The following WWC1 variants were observed in gnomAD, a reference collection of about 807,000 sequenced individuals.
WWC1 encodes WW and C2 domain containing 1.
WWC1 carries 55 observed loss-of-function variants against 138.4 expected under a neutral mutation model. That is an observed-to-expected ratio of 0.40 (90% confidence interval 0.32 to 0.50). WWC1 has a LOEUF of 0.50. WWC1 is among the 20% of genes least tolerant of loss of function. The probability of loss-of-function intolerance (pLI) is 0.72; values close to 1 mark genes in which losing one functional copy is unlikely to be tolerated. For synonymous variants in WWC1, 524 were observed against 564.9 expected (o/e 0.93, Z 1.03); for missense variants, 1,226 against 1,420.4 (o/e 0.86, Z 2.20).
At chr5:168,315,442 G>A (rs1007390951) in intron 1 of WWC1, among the ~76,000 whole-genome samples, 1 of 151,876 alleles carries the variant, frequency 6.6e-6, no homozygotes, top group African/African-American at 2.4e-5. Context: ...CCGTGTGCCC[G>A]CTGCGCTCTG....
Position 168,292,235 on chromosome 5 carries a change from C to A in WWC1, c.83C>A (p.Thr28Lys), listed in dbSNP as rs374092809. Residue 28 changes from threonine to lysine, a missense_variant, in exon 1 of 23, where the codon ACG becomes AAG. Transcript: ENST00000265293. The surrounding 1 kb of genome is among the most constrained non-coding windows in gnomAD (Gnocchi z 4.4). ...GGCAAGGTCTACTACATAGACCACA[C>A]GAACCGCACCACCAGCTGGATCGAC... ...FDGKVYYIDH[T>K]NRTTSWIDPR... The A allele has an allele frequency of 5.6e-6, 9 of 1,594,716 alleles. 1 individual carries two copies. In the South Asian group the frequency reaches 8.0e-5, roughly 14 times the overall value.
chr5:168,335,891 C>T (rs778215267), intron 1 of WWC1, among the ~76,000 whole-genome samples: 2 of 152,230 alleles, frequency 1.3e-5, no homozygotes, highest in Non-Finnish European at 2.9e-5. Context: ...ACACAGCTCC[C>T]TCTACCCAGA....
chr5:168,409,573 C>G (rs978759503), intron 7 of WWC1, among the ~76,000 whole-genome samples: 1 of 152,174 alleles, frequency 6.6e-6, no homozygotes, highest in Non-Finnish European at 1.5e-5. Flanking sequence ...GAATGAGTTT[C>G]TTGATATTGG....
chr5:168,306,473 C>G (rs1011606271), intron 1 of WWC1, among the ~76,000 whole-genome samples: 16 of 152,198 alleles, frequency 1.1e-4, no homozygotes, highest in Non-Finnish European at 4.4e-5. Flanking sequence ...TGCCTATCTT[C>G]TTATTTTTTT....
intron 1 of WWC1, among the ~76,000 whole-genome samples, chr5:168,341,437 A>T (rs1862355): frequency 0.54 from 82,205 of 151,912 alleles, 23,423 homozygotes; most frequent in South Asian, 0.66. Context: ...TCCATGGATA[A>T]TGGGTCCTAG....
At position 168,455,405 on chromosome 5, in the gene WWC1, T is replaced by G. The variant is rs775713345; in HGVS notation, c.2708T>G (p.Val903Gly). The G allele has an allele frequency of 6.2e-7, 1 of 1,609,608 alleles. No individual in the cohort carries two copies. Residue 903 changes from valine (V) to glycine (G), a missense_variant, in exon 19 of 23, where the codon GTG becomes GGG. Physicochemically the swap from Val to Gly is moderately radical, Grantham distance 109. Transcript: ENST00000265293. ...ACCCCGGCCCCATCCCCCACAGTGGTGCGACCTAAGGACCGGAGAGTGGGC... is the reference window on the plus strand; with the variant it reads ...ACCCCGGCCCCATCCCCCACAGTGGGGCGACCTAAGGACCGGAGAGTGGGC... ...TETPAPSPTVVRPKDRRVGTP... is the reference protein window; with the variant it reads ...TETPAPSPTVGRPKDRRVGTP...
chr5:168,311,393 G>A (rs950285611), intron 1 of WWC1, among the ~76,000 whole-genome samples: 2 of 152,138 alleles, frequency 1.3e-5, no homozygotes, highest in Non-Finnish European at 2.9e-5. Context: ...ACAGGGAGGT[G>A]TGAGGAACCG....
At chr5:168,303,786 G>A (rs1447994932) in intron 1 of WWC1, among the ~76,000 whole-genome samples, 3 of 152,094 alleles carry the variant, frequency 2.0e-5, no homozygotes, top group African/African-American at 7.2e-5. Flanking sequence ...GCGCTGAGCT[G>A]CTCGGGAGAG....
In WWC1 at chr5:168,357,412, C is replaced by T. The variant is rs1341292217; in HGVS notation, c.120-14012C>T. ...GTCTGCCAACCTGTGGGTTTCTTTT[C>T]CGTGTGGTTCACCATCTGGAGTGGC... On this transcript the variant is annotated intron_variant, in intron 1 of 22. Transcript: ENST00000265293. Among the ~76,000 whole-genome samples the T allele has an allele frequency of 2.0e-5, 3 of 148,730 alleles. No homozygotes were observed. In the East Asian group the frequency reaches 6.1e-4, roughly 30 times the overall value.
Position 168,385,378 on chromosome 5 carries a change from GCCGT to G in WWC1, c.399_402del (p.Val134GlyfsTer26). ...ACAGCAGGAGTACCAGCAACTGCAT[GCCGT>G]CTGGGAGCATAAGCTGGGCTCCCAG... is the stretch of plus-strand genomic sequence containing the variant. On this transcript the variant is annotated frameshift_variant, in exon 3 of 23. Transcript: ENST00000265293. LOFTEE classifies it high-confidence loss of function. 1 of 1,613,996 alleles carries G rather than the reference GCCGT, an allele frequency of 6.2e-7. No homozygotes were observed. Among genetic ancestry groups the G allele is most frequent in the Non-Finnish European group, 8.5e-7 (1 of 1,179,990 alleles).
chr5:168,395,263 G>C lies in WWC1; in HGVS notation c.434-2461G>C, dbSNP rs374926742. ...GTCCAGAGGCACAGCCTGATGAACA[G>C]GGTGGTTGGCAGGACAGGGTGCTCC... is the stretch of plus-strand genomic sequence containing the variant. On this transcript the variant is annotated intron_variant, in intron 3 of 22. Coordinates refer to ENST00000265293, the MANE Select transcript of WWC1 (RefSeq NM_015238.3). 4.8e-3 allele frequency among the ~76,000 whole-genome samples: 734 copies of C among 152,298 alleles called. 5 individuals carry two copies. The highest frequency in any genetic ancestry group is 0.017 in the African/African-American group (711 of 41,570).
At chr5:168,320,001 A>G (rs1178287673) in intron 1 of WWC1, among the ~76,000 whole-genome samples, 5 of 148,250 alleles carry the variant, frequency 3.4e-5, no homozygotes, top group African/African-American at 1.3e-4. Flanking sequence ...GCATTTCCCT[A>G]GTGATGAGTG....
At position 168,292,377 on chromosome 5, in the gene WWC1, G is replaced by A; in HGVS notation, c.119+106G>A. On this transcript the variant is annotated intron_variant, in intron 1 of 22. Transcript: ENST00000265293. The surrounding 1 kb of genome is among the most constrained non-coding windows in gnomAD (Gnocchi z 4.4). ...GGGAGGGGGCAGGGGAGCTCTGCGT[G>A]CCTCTTGAGCTCTCTTCAGTTCGCC... 3 of 1,335,140 alleles carry A rather than the reference G, an allele frequency of 2.2e-6. No homozygotes were observed. The highest frequency in any genetic ancestry group is 3.1e-6 in the Non-Finnish European group (3 of 980,458). 82.7% of individuals were successfully genotyped at this position (1,335,140 alleles called of 1,614,324 possible).
intron 3 of WWC1, among the ~76,000 whole-genome samples, chr5:168,394,385 A>G (rs1778729761): frequency 6.6e-6 from 1 of 152,224 alleles, no homozygotes; most frequent in Non-Finnish European, 1.5e-5. Flanking sequence ...ATTAAGAACT[A>G]TTAAACTTTG....
chr5:168,304,284 G>A (rs1394404055), intron 1 of WWC1, among the ~76,000 whole-genome samples: 3 of 152,126 alleles, frequency 2.0e-5, no homozygotes, highest in African/African-American at 4.8e-5. Flanking sequence ...ATGTCCCCTG[G>A]AAAAACTGGT....
At position 168,339,806 on chromosome 5, in the gene WWC1, TTTTC is replaced by T. The variant is rs138461958; in HGVS notation, c.120-31594_120-31591del. ...ATGAGACAAGTACCATTCTTTTTGT[TTTTC>T]TTTCTTTCTTTCTTTCTTTCTTTTT... is the stretch of plus-strand genomic sequence containing the variant. On this transcript the variant is annotated intron_variant, in intron 1 of 22. Coordinates refer to ENST00000265293, the MANE Select transcript of WWC1 (RefSeq NM_015238.3). 9.3e-3 allele frequency among the ~76,000 whole-genome samples: 1,323 copies of T among 142,706 alleles called. 14 individuals carry two copies. Among genetic ancestry groups the T allele is most frequent in the African/African-American group, 0.027 (960 of 34,948 alleles). 93.6% of individuals were successfully genotyped at this position (142,706 alleles called of 152,430 possible).
intron 21 of WWC1, among the ~76,000 whole-genome samples, chr5:168,467,332 G>A (rs1045919160): frequency 6.6e-6 from 1 of 152,176 alleles, no homozygotes; most frequent in African/African-American, 2.4e-5. Context: ...CAAGTATATG[G>A]TACGTGGATA....
At chr5:168,374,241 C>T (rs571953688) in intron 2 of WWC1, among the ~76,000 whole-genome samples, 6 of 151,726 alleles carry the variant, frequency 4.0e-5, no homozygotes, top group Non-Finnish European at 2.9e-5. Flanking sequence ...GCAGGAGAGA[C>T]AAAAAATAAA....
chr5:168,364,364 G>A (rs1350845389), intron 1 of WWC1, among the ~76,000 whole-genome samples: 1 of 152,024 alleles, frequency 6.6e-6, no homozygotes, highest in Non-Finnish European at 1.5e-5. Flanking sequence ...CCCTGCCCAT[G>A]GCCCGTTGGC....
Sources: gnomAD v4.1 joint callset for allele counts (sites outside exome capture counted in the v4.1 genomes callset) on GRCh38, gnomAD v4.1.1 for gene constraint, Gnocchi (gnomAD v3.1) non-coding constraint, MANE v1.5 for transcripts, NCBI Gene and HGNC (gene_info 2026-07-23, HGNC 2026-07-21) for gene names.